Variants in PLEKHO1 observed in about 807,000 individuals in gnomAD.
PLEKHO1 encodes the protein pleckstrin homology domain containing O1.
PLEKHO1 carries 22 observed loss-of-function variants against 41.4 expected under a neutral mutation model. The ratio of observed to expected loss-of-function variants is 0.53; its 90% CI spans 0.38 to 0.76. The LOEUF (loss-of-function observed/expected upper bound fraction) is 0.76. PLEKHO1 is among the 30% of genes least tolerant of loss of function. PLEKHO1 has a pLI of 0.00. For missense variants in PLEKHO1, 488 were observed against 518.3 expected (o/e 0.94, Z 0.57); for synonymous variants, 225 against 210.8 (o/e 1.07, Z -0.58).
At chr1:150,158,331 ACATT>A (rs1410631936) in intron 5 of PLEKHO1, among the ~76,000 whole-genome samples, 3 of 152,154 alleles carry the variant, frequency 2.0e-5, no homozygotes, top group Non-Finnish European at 4.4e-5. Flanking sequence ...AGAAGAAGAA[ACATT>A]CAAGTCACTA....
chr1:150,157,283 C>G, intron 4 of PLEKHO1, 102 bp from the exon 5 acceptor site: 1 of 900,864 alleles, frequency 1.1e-6, no homozygotes, highest in Non-Finnish European at 1.8e-6. Context: ...CTTGCCCATT[C>G]AGAAGCAGTG....
At position 150,150,183 on chromosome 1, in the gene PLEKHO1, G is replaced by GC; in HGVS notation, c.-70dup. Reference sequence around the variant, plus strand: ...TCCGACGCCCTCCCGCGGGGAAGGAGCCCCCGCGGTGCCGCCGAGGCCCCG... The same window carrying GC: ...TCCGACGCCCTCCCGCGGGGAAGGAGCCCCCCGCGGTGCCGCCGAGGCCCCG... On this transcript the variant is annotated 5_prime_UTR_variant, in exon 1 of 6. Transcript: ENST00000369124. The GC allele has an allele frequency of 3.0e-6, 2 of 666,434 alleles. No individual in the cohort carries two copies. The highest frequency in any genetic ancestry group is 1.9e-6 in the Non-Finnish European group (1 of 532,972). 41.3% of individuals were successfully genotyped at this position (666,434 alleles called of 1,614,324 possible).
At chr1:150,153,536 A>G (rs1335186551) in intron 2 of PLEKHO1, 1 of 151,564 alleles carries the variant, frequency 6.6e-6, no homozygotes, top group Non-Finnish European at 1.5e-5. Context: ...ATTTACTGTT[A>G]ATGCAAGAAA....
intron 5 of PLEKHO1, among the ~76,000 whole-genome samples, chr1:150,157,844 A>G (rs587690714): frequency 2.0e-5 from 3 of 152,314 alleles, no homozygotes; most frequent in East Asian, 3.9e-4. Flanking sequence ...CCTGAAACAT[A>G]CAACGTGCTA....
At position 150,150,157 on chromosome 1, in the gene PLEKHO1, C is replaced by T; in HGVS notation, c.-101C>T. ...GGGAGGAGCGGCGGCGCCGGGGCAG[C>T]TCCGACGCCCTCCCGCGGGGAAGGA... is the stretch of plus-strand genomic sequence containing the variant. On this transcript the variant is annotated 5_prime_UTR_variant, in exon 1 of 6. Transcript: ENST00000369124. 2.5e-6 allele frequency: 1 copy of T among 395,362 alleles called. No individual in the cohort carries two copies. The highest frequency in any genetic ancestry group is 3.5e-6 in the Non-Finnish European group (1 of 286,586). The allele number at this position is 395,362 out of a possible 1,614,324, so 24.5% of individuals were successfully genotyped here. A position where few individuals can be genotyped will look rare whatever the true frequency, so the allele number is the denominator to read the frequency against.
At chr1:150,151,256 C>T (rs1659916046) in intron 2 of PLEKHO1, among the ~76,000 whole-genome samples, 198 bp downstream of exon 2, 1 of 152,182 alleles carries the variant, frequency 6.6e-6, no homozygotes, top group Non-Finnish European at 1.5e-5. Context: ...GTTGAGTTGG[C>T]CGCTTACTCA....
In PLEKHO1 at chr1:150,159,608, C is replaced by A; in HGVS notation, c.*85C>A. The A allele has an allele frequency of 2.2e-6, 2 of 925,278 alleles. No individual in the cohort carries two copies. The highest frequency in any genetic ancestry group is 3.2e-6 in the Non-Finnish European group (2 of 625,058). 57.3% of individuals were successfully genotyped at this position (925,278 alleles called of 1,614,324 possible). A position where few individuals can be genotyped will look rare whatever the true frequency, so the allele number is the denominator to read the frequency against. On this transcript the variant is annotated 3_prime_UTR_variant, in exon 6 of 6. Transcript: ENST00000369124. ...ATAAAGCTTTTTTATTTACCTCAAT[C>A]AAAAAAAGAAAACAAAAATGAACTC...
Position 150,150,269 on chromosome 1 carries a change from G to T in PLEKHO1, c.12G>T (p.Lys4Asn). 2 of 1,120,384 alleles carry T rather than the reference G, an allele frequency of 1.8e-6. No homozygotes were observed. Among genetic ancestry groups the T allele is most frequent in the South Asian group, 5.1e-5 (2 of 38,982 alleles). The allele number at this position is 1,120,384 out of a possible 1,614,324, so 69.4% of individuals were successfully genotyped here. A position where few individuals can be genotyped will look rare whatever the true frequency, so the allele number is the denominator to read the frequency against. The change falls in exon 1 of 6, where the codon AAG becomes AAT. Residue 4 changes from lysine (K) to asparagine (N), a missense_variant. By Grantham distance (94) the Lys-to-Asn change is moderately conservative. Around this residue, in one of 3 missense-constraint regions of PLEKHO1, gnomAD observed 92 missense variants for 82.3 expected, o/e 1.12. Transcript: ENST00000369124. ...CGCGCCCGCTGGGAATGATGAAGAA[G>T]AACAATTCCGCCAAGCGGGTGAGTG... MMKKNNSAKRGPQD... is the reference protein window; with the variant it reads MMKNNNSAKRGPQD...
rs1385117611 is a variant in PLEKHO1 at position 150,159,031 on chromosome 1, AACAG to A, written c.742_745del (p.Asp248LysfsTer13). ...GCAGTCTCTCCCGACCTTGGGAAAAAACAGACAAAGGGGCCACCTACACCCCCCA... is the reference window on the plus strand; with the variant it reads ...GCAGTCTCTCCCGACCTTGGGAAAAAACAAAGGGGCCACCTACACCCCCCA... On this transcript the variant is annotated frameshift_variant, in exon 6 of 6. Coordinates refer to ENST00000369124, the MANE Select transcript of PLEKHO1 (RefSeq NM_016274.6). LOFTEE classifies it high-confidence loss of function. The A allele has an allele frequency of 6.2e-6, 10 of 1,613,862 alleles. No homozygotes were observed. Among genetic ancestry groups the A allele is most frequent in the African/African-American group, 1.3e-5 (1 of 74,880 alleles).
In PLEKHO1 at chr1:150,157,462, A is replaced by G. The variant is rs782500472; in HGVS notation, c.501A>G (p.Pro167=). 6.2e-7 allele frequency: 1 copy of G among 1,613,366 alleles called. No homozygotes were observed. The highest frequency in any genetic ancestry group is 8.5e-7 in the Non-Finnish European group (1 of 1,179,328). ...RAKIQHSRRP[P]TRGHLMAVAS... ...AAATCCAGCACTCCCGCCGCCCCCC[A>G]ACAAGGGGACACCTAATGGCTGTGG... Residue 167 remains proline (P), a synonymous_variant, in exon 5 of 6, where the codon CCA becomes CCG. Transcript: ENST00000369124.
At chr1:150,154,692 A>C (rs1191238289) in intron 2 of PLEKHO1, 2 of 152,244 alleles carry the variant, frequency 1.3e-5, no homozygotes, top group South Asian at 2.1e-4. Context: ...AATTTCAGTC[A>C]GGGTGGGTAG....
chr1:150,150,247 G>A lies in PLEKHO1; in HGVS notation c.-11G>A. 2 of 1,088,020 alleles carry A rather than the reference G, an allele frequency of 1.8e-6. No homozygotes were observed. The highest frequency in any genetic ancestry group is 1.1e-6 in the Non-Finnish European group (1 of 891,278). 67.4% of individuals were successfully genotyped at this position (1,088,020 alleles called of 1,614,324 possible). ...CCTCGGCTCGCCGCCCCGCGCCCGCGCCCGCTGGGAATGATGAAGAAGAAC... is the reference window on the plus strand; with the variant it reads ...CCTCGGCTCGCCGCCCCGCGCCCGCACCCGCTGGGAATGATGAAGAAGAAC... On this transcript the variant is annotated 5_prime_UTR_variant, in exon 1 of 6. Transcript: ENST00000369124.
chr1:150,150,933 C>A lies in PLEKHO1; in HGVS notation c.52C>A (p.Gln18Lys). The A allele has an allele frequency of 6.2e-7, 1 of 1,613,992 alleles. No individual in the cohort carries two copies. Among genetic ancestry groups the A allele is most frequent in the Non-Finnish European group, 8.5e-7 (1 of 1,179,846 alleles). ...AKRGPQDGNQ[Q>K]PAPPEKVGWV... ...GCAGGGACCTCAGGATGGAAACCAG[C>A]AGCCTGCACCGCCCGAGAAGGTCGG... Residue 18 changes from glutamine (Q) to lysine (K), a missense_variant, in exon 2 of 6, where the codon CAG (glutamine) becomes AAG (lysine). Physicochemically the swap from Gln to Lys is moderately conservative, Grantham distance 53. Transcript: ENST00000369124.
At chr1:150,151,333 T>G (rs186175065) in intron 2 of PLEKHO1, among the ~76,000 whole-genome samples, 9 of 152,350 alleles carry the variant, frequency 5.9e-5, no homozygotes, top group African/African-American at 1.2e-4. Context: ...CCAGAAGTTC[T>G]AAGTGTCCCT....
Position 150,158,927 on chromosome 1 carries a change from G to A in PLEKHO1, c.634G>A (p.Asp212Asn). The A allele has an allele frequency of 1.2e-6, 2 of 1,614,146 alleles. No homozygotes were observed. Among genetic ancestry groups the A allele is most frequent in the Non-Finnish European group, 1.7e-6 (2 of 1,180,022 alleles). Reference sequence around the variant, plus strand: ...TGCTGAGAGCTTTCGGGTTGACCTGGACAAGTCTGTGGCCCAGCTGGCAGG... The same window carrying A: ...TGCTGAGAGCTTTCGGGTTGACCTGAACAAGTCTGTGGCCCAGCTGGCAGG... ...SCAESFRVDLDKSVAQLAGSR... is the reference protein window; with the variant it reads ...SCAESFRVDLNKSVAQLAGSR... The change falls in exon 6 of 6, where the codon GAC becomes AAC. Residue 212 changes from aspartate (D) to asparagine (N), a missense_variant. Around this residue, in one of 3 missense-constraint regions of PLEKHO1, gnomAD observed 337 missense variants for 324.6 expected, o/e 1.04. Transcript: ENST00000369124.
In PLEKHO1 at chr1:150,156,843, T is replaced by C; in HGVS notation, c.319-68T>C. On this transcript the variant is annotated intron_variant, in intron 3 of 5. Coordinates refer to ENST00000369124, the MANE Select transcript of PLEKHO1 (RefSeq NM_016274.6). The stretch of plus-strand genomic sequence containing the variant: ...AAGAAAGTGAGATTATAATCTCTTA[T>C]TTCTTCATTGTCAAGGTGAGGCACC... 15 of 893,688 alleles carry C rather than the reference T, an allele frequency of 1.7e-5. No homozygotes were observed. The South Asian group carries it at 2.0e-4, about 12-fold the overall frequency. 55.4% of individuals were successfully genotyped at this position (893,688 alleles called of 1,614,324 possible).
chr1:150,158,632 T>G lies in PLEKHO1; in HGVS notation c.526-187T>G, dbSNP rs782545492. On this transcript the variant is annotated intron_variant, in intron 5 of 5. Coordinates refer to ENST00000369124, the MANE Select transcript of PLEKHO1 (RefSeq NM_016274.6). The stretch of plus-strand genomic sequence containing the variant: ...TGAACCCGGGAGGCGGAGCTTGCAG[T>G]GAGCTCAAATCGTGCCACTGCACTC... 6.6e-4 allele frequency among the ~76,000 whole-genome samples: 101 copies of G among 152,114 alleles called. 1 individual carries two copies. The highest frequency in any genetic ancestry group is 1.1e-3 in the Non-Finnish European group (75 of 67,984).
chr1:150,159,441 A>T lies in PLEKHO1; in HGVS notation c.1148A>T (p.Tyr383Phe). 6.2e-7 allele frequency: 1 copy of T among 1,614,118 alleles called. No individual in the cohort carries two copies. The highest frequency in any genetic ancestry group is 8.5e-7 in the Non-Finnish European group (1 of 1,180,016). ...LQEVRELRDL[Y>F]RQMDLQTPDS... ...GAGGTCAGGGAGCTGAGAGACCTGTACAGACAGATGGACCTGCAGACCCCG... is the reference window on the plus strand; with the variant it reads ...GAGGTCAGGGAGCTGAGAGACCTGTTCAGACAGATGGACCTGCAGACCCCG... Residue 383 changes from tyrosine to phenylalanine, a missense_variant, in exon 6 of 6, where the codon TAC (tyrosine) becomes TTC (phenylalanine). Physicochemically the swap from Tyr to Phe is conservative, Grantham distance 22. Around this residue, in one of 3 missense-constraint regions of PLEKHO1, gnomAD observed 337 missense variants for 324.6 expected, o/e 1.04. Transcript: ENST00000369124.
rs1389603619 is a variant in PLEKHO1 at position 150,159,711 on chromosome 1, C to G, written c.*188C>G. 1 of 525,138 alleles carries G rather than the reference C, an allele frequency of 1.9e-6. No homozygotes were observed. The highest frequency in any genetic ancestry group is 2.9e-5 in the East Asian group (1 of 34,346). 32.5% of individuals were successfully genotyped at this position (525,138 alleles called of 1,614,324 possible). On this transcript the variant is annotated 3_prime_UTR_variant, in exon 6 of 6. Coordinates refer to ENST00000369124, the MANE Select transcript of PLEKHO1 (RefSeq NM_016274.6). The stretch of plus-strand genomic sequence containing the variant: ...TTCCATATGCCCCTCGTATGCCCCT[C>G]AGGTTTGAGGAAGTGACCCCGCAGC...
Sources: allele counts gnomAD v4.1 joint callset (sites outside exome capture counted in the v4.1 genomes callset), GRCh38; gene constraint gnomAD v4.1.1; regional missense constraint gnomAD v4.1.1; transcripts MANE v1.5; gene names NCBI Gene and HGNC (gene_info 2026-07-23, HGNC 2026-07-21).